The following PHF6 variants were observed in gnomAD, a reference collection of about 807,000 sequenced individuals.
The protein encoded by PHF6 is PHD-like zinc finger protein.
PHF6 carries 7 observed loss-of-function variants against 34.0 expected under a neutral mutation model. That is an observed-to-expected ratio of 0.21 (90% confidence interval 0.12 to 0.39). The LOEUF (loss-of-function observed/expected upper bound fraction) is 0.39, where lower values mean the gene tolerates loss of function less well. Among genes scored for constraint, PHF6 ranks in the 10% least tolerant of loss-of-function variants. The probability of loss-of-function intolerance (pLI) is 1.00; values close to 1 mark genes in which losing one functional copy is unlikely to be tolerated. For missense variants in PHF6, 128 were observed against 262.8 expected (o/e 0.49, Z 3.55); for synonymous variants, 89 against 88.4 (o/e 1.01, Z -0.04).
chrX:134,383,628 A>G (rs1040988352), intron 3 of PHF6, among the ~76,000 whole-genome samples: 6 of 111,876 alleles, frequency 5.4e-5, no homozygotes, highest in Non-Finnish European at 5.6e-5. Context: ...GCTAGGGACT[A>G]TGCTAAGTTT....
chrX:134,420,936 T>C (rs1175171221), intron 9 of PHF6, among the ~76,000 whole-genome samples: 1 of 111,400 alleles, frequency 9.0e-6, no homozygotes, highest in Admixed American at 9.6e-5. Context: ...TGGTGAAATA[T>C]ATTATGTTCC....
intron 4 of PHF6, 129 bp from the exon 5 acceptor site, chrX:134,393,780 C>T: frequency 2.6e-6 from 2 of 779,173 alleles, no homozygotes; most frequent in Non-Finnish European, 3.8e-6. Flanking sequence ...AGAAATAGTA[C>T]AGGAAGTTTA....
At position 134,417,196 on chromosome X, in the gene PHF6, G is replaced by C; in HGVS notation, c.862G>C (p.Ala288Pro). Residue 288 changes from alanine (A) to proline (P), a missense_variant, in exon 9 of 11, where the codon GCT becomes CCT. Physicochemically the swap from Ala to Pro is conservative, Grantham distance 27 (BLOSUM62 -1). This residue lies in a region of PHF6 where 16 missense variants were observed against 93.7 expected (regional missense o/e 0.17). Coordinates refer to ENST00000370803, the MANE Select transcript of PHF6 (RefSeq NM_001015877.2). ...MKCTLCSQPG[A>P]TIGCEIKACV... ...ATGTACACTTTGCAGTCAGCCTGGT[G>C]CTACTATTGGATGTGAAATAAAAGC... The C allele has an allele frequency of 8.3e-7, 1 of 1,210,306 alleles. No individual in the cohort carries two copies. The highest frequency in any genetic ancestry group is 1.1e-6 in the Non-Finnish European group (1 of 894,330).
intron 5 of PHF6, among the ~76,000 whole-genome samples, chrX:134,394,348 G>A (rs1369534265): frequency 9.0e-6 from 1 of 110,550 alleles, no homozygotes; most frequent in East Asian, 2.8e-4. Flanking sequence ...TGGCCAGGCT[G>A]GTCTTGAACT....
At chrX:134,382,739 T>C (rs1246132339) in intron 3 of PHF6, among the ~76,000 whole-genome samples, 3 of 109,397 alleles carry the variant, frequency 2.7e-5, no homozygotes, top group African/African-American at 1.0e-4. Flanking sequence ...AGCTAATTTT[T>C]TGTATTTTTA....
chrX:134,378,963 CTT>C (rs2077291241), intron 3 of PHF6, among the ~76,000 whole-genome samples: 1 of 112,118 alleles, frequency 8.9e-6, no homozygotes, highest in African/African-American at 3.2e-5. Context: ...CATTTGAACA[CTT>C]TATTAAAATT....
At chrX:134,395,787 T>A (rs1038085199) in intron 5 of PHF6, among the ~76,000 whole-genome samples, 1 of 112,123 alleles carries the variant, frequency 8.9e-6, no homozygotes, top group Non-Finnish European at 1.9e-5. Context: ...GTCCAGATAC[T>A]TTAAAGTGTT....
intron 5 of PHF6, among the ~76,000 whole-genome samples, chrX:134,394,909 G>A (rs191662373): frequency 9.4e-6 from 1 of 106,636 alleles, no homozygotes; most frequent in Non-Finnish European, 1.9e-5. Flanking sequence ...CCAGAGTGCA[G>A]TGGCACAATC....
intron 5 of PHF6, 50 bp downstream of exon 5, chrX:134,394,002 T>A (rs1212492296): frequency 9.3e-7 from 1 of 1,070,864 alleles, no homozygotes; most frequent in Admixed American, 2.2e-5. Context: ...AAGAAGAAAT[T>A]TGAGTACAGA....
intron 9 of PHF6, among the ~76,000 whole-genome samples, chrX:134,424,786 G>A (rs113761583): frequency 1.0e-3 from 113 of 112,232 alleles, no homozygotes; most frequent in African/African-American, 3.5e-3. Context: ...TCAAATGTGA[G>A]CAGAAGGCAG....
At chrX:134,414,978 A>G in intron 7 of PHF6, 38 bp from the exon 8 acceptor site, 2 of 1,072,496 alleles carry the variant, frequency 1.9e-6, no homozygotes, top group Admixed American at 2.2e-5. Flanking sequence ...TCTCATAAGG[A>G]TTCTGAATGT....
intron 5 of PHF6, among the ~76,000 whole-genome samples, chrX:134,406,064 T>TTC (rs747965274): frequency 4.8e-4 from 24 of 49,593 alleles, no homozygotes; most frequent in Non-Finnish European, 7.7e-4. Flanking sequence ...CTTTTTCTTT[T>TTC]TCTTTCTTTC....
chrX:134,378,385 T>C (rs1370707728), intron 3 of PHF6, among the ~76,000 whole-genome samples: 1 of 111,691 alleles, frequency 9.0e-6, no homozygotes, highest in African/African-American at 3.3e-5. Flanking sequence ...AAACAAACAG[T>C]TTGGTTAATT....
intron 5 of PHF6, among the ~76,000 whole-genome samples, chrX:134,394,588 T>C (rs2077369042): frequency 9.2e-6 from 1 of 108,227 alleles, no homozygotes; most frequent in South Asian, 4.2e-4. Flanking sequence ...TTGCCCAGGC[T>C]GGAGTGCAGT....
At chrX:134,393,476 ATAT>A (rs779888177) in intron 3 of PHF6, 22 bp from the exon 4 acceptor site, 7 of 1,205,928 alleles carry the variant, frequency 5.8e-6, no homozygotes, top group Non-Finnish European at 7.9e-6. Context: ...CATACTAATA[ATAT>A]TATTTTGTCG....
chrX:134,394,572 G>A (rs1471066429), intron 5 of PHF6, among the ~76,000 whole-genome samples: 7 of 105,792 alleles, frequency 6.6e-5, no homozygotes, highest in African/African-American at 2.4e-4. Context: ...ACAGAGTCTC[G>A]CTGTGTTGCC....
At position 134,426,914 on chromosome X, in the gene PHF6, A is replaced by G. The variant is rs189342519; in HGVS notation, c.*1254A>G. ...AGTACCAAGGGGAGGGATTTTGACTAGTTGAATTATTAAGCCACCACAATA... is the reference window on the plus strand; with the variant it reads ...AGTACCAAGGGGAGGGATTTTGACTGGTTGAATTATTAAGCCACCACAATA... On this transcript the variant is annotated 3_prime_UTR_variant, in exon 11 of 11. Coordinates refer to ENST00000370803, the MANE Select transcript of PHF6 (RefSeq NM_001015877.2). 4 of 163,778 alleles carry G rather than the reference A, an allele frequency of 2.4e-5. No homozygotes were observed. Among genetic ancestry groups the G allele is most frequent in the East Asian group, 9.0e-5 (1 of 11,106 alleles). The allele number at this position is 163,778 out of a possible 1,213,427, so 13.5% of individuals were successfully genotyped here.
intron 9 of PHF6, among the ~76,000 whole-genome samples, chrX:134,424,573 G>C (rs745363407): frequency 9.8e-5 from 11 of 112,059 alleles, no homozygotes; most frequent in Non-Finnish European, 1.9e-4. Context: ...ATTTGCTACA[G>C]TTGACAGACT....
At chrX:134,399,941 A>G (rs1229800398) in intron 5 of PHF6, among the ~76,000 whole-genome samples, 2 of 110,974 alleles carry the variant, frequency 1.8e-5, no homozygotes, top group East Asian at 2.8e-4. Flanking sequence ...TTCCCTCCCA[A>G]ACCTCTGGCA....
Sources: allele counts gnomAD v4.1 joint callset (sites outside exome capture counted in the v4.1 genomes callset), GRCh38; gene constraint gnomAD v4.1.1; regional missense constraint gnomAD v4.1.1; transcripts MANE v1.5; gene names NCBI Gene and HGNC (gene_info 2026-07-23, HGNC 2026-07-21).